The following MYO3B variants were observed in gnomAD, a reference collection of about 807,000 sequenced individuals.
MYO3B encodes myosin IIIB.
In MYO3B, 156 loss-of-function variants were observed where a neutral mutation model predicts 174.6. The observed-to-expected ratio is 0.89, with a 90% confidence interval of 0.78 to 1.02. The LOEUF is 1.02. Among genes scored for constraint, MYO3B ranks in the 50% least tolerant of loss-of-function variants. MYO3B has a pLI of 0.00. For synonymous variants in MYO3B, 563 were observed against 569.1 expected (o/e 0.99, Z 0.15); for missense variants, 1,632 against 1,639.4 (o/e 1.00, Z 0.08).
At chr2:170,237,614 GCTT>G (rs1366123743) in intron 7 of MYO3B, among the ~76,000 whole-genome samples, 1 of 152,098 alleles carries the variant, frequency 6.6e-6, no homozygotes, top group Non-Finnish European at 1.5e-5. Context: ...GCCCAGCCAA[GCTT>G]CTTCTAATAA....
At chr2:170,632,323 C>T (rs895947892) in intron 32 of MYO3B, among the ~76,000 whole-genome samples, 2 of 152,162 alleles carry the variant, frequency 1.3e-5, no homozygotes, top group African/African-American at 4.8e-5. Context: ...GATTAAGAAA[C>T]TCACTCAAAA....
intron 25 of MYO3B, among the ~76,000 whole-genome samples, chr2:170,479,595 G>A (rs888878489): frequency 7.0e-6 from 1 of 143,440 alleles, no homozygotes; most frequent in Non-Finnish European, 1.5e-5. Context: ...ATATAATAAA[G>A]GTGTATTTTA....
At chr2:170,477,598 G>A (rs1685396588) in intron 25 of MYO3B, among the ~76,000 whole-genome samples, 1 of 151,822 alleles carries the variant, frequency 6.6e-6, no homozygotes, top group Admixed American at 6.6e-5. Flanking sequence ...TTAAGCCAGA[G>A]TTTCTCAACC....
chr2:170,462,784 T>C (rs902053333), intron 23 of MYO3B, among the ~76,000 whole-genome samples: 2 of 152,234 alleles, frequency 1.3e-5, no homozygotes, highest in African/African-American at 4.8e-5. Flanking sequence ...TCAGTTCCTT[T>C]CAGTCAGCCC....
intron 2 of MYO3B, 76 bp downstream of exon 2, chr2:170,199,467 T>A (rs1363588467): frequency 1.7e-6 from 2 of 1,163,434 alleles, no homozygotes; most frequent in East Asian, 5.2e-5. Flanking sequence ...TTTCTTGATT[T>A]TAGGTTTAAT....
intron 30 of MYO3B, among the ~76,000 whole-genome samples, chr2:170,539,057 G>A (rs1689909016): frequency 6.6e-6 from 1 of 152,142 alleles, no homozygotes; most frequent in Non-Finnish European, 1.5e-5. Context: ...TTCTAAGAAT[G>A]TCCTTTGCAC....
chr2:170,318,992 G>T (rs2093796000), intron 7 of MYO3B, among the ~76,000 whole-genome samples: 2 of 152,154 alleles, frequency 1.3e-5, no homozygotes, highest in African/African-American at 4.8e-5. Flanking sequence ...CACATATGTG[G>T]GGCTAATCTT....
chr2:170,520,643 G>T (rs1019629500), intron 30 of MYO3B, among the ~76,000 whole-genome samples: 2 of 152,052 alleles, frequency 1.3e-5, no homozygotes, highest in Non-Finnish European at 2.9e-5. Flanking sequence ...TTAGCCACAG[G>T]TTTGAGTTAA....
At chr2:170,303,132 C>T (rs1480212076) in intron 7 of MYO3B, among the ~76,000 whole-genome samples, 1 of 152,152 alleles carries the variant, frequency 6.6e-6, no homozygotes, top group Non-Finnish European at 1.5e-5. Flanking sequence ...TAGTTTACTA[C>T]TGTTGTAAAT....
At chr2:170,305,025 A>G (rs2093691706) in intron 7 of MYO3B, among the ~76,000 whole-genome samples, 1 of 151,778 alleles carries the variant, frequency 6.6e-6, no homozygotes, top group Non-Finnish European at 1.5e-5. Flanking sequence ...TTTTAAAAGT[A>G]TGCCTTATTT....
chr2:170,232,912 G>A (rs1021184030), intron 6 of MYO3B, among the ~76,000 whole-genome samples: 6 of 152,226 alleles, frequency 3.9e-5, no homozygotes, highest in African/African-American at 1.4e-4. Context: ...ATTAGGCCAA[G>A]ATATGATTTT....
intron 32 of MYO3B, among the ~76,000 whole-genome samples, chr2:170,583,910 A>G (rs537205877): frequency 6.6e-6 from 1 of 152,356 alleles, no homozygotes; most frequent in East Asian, 1.9e-4. Context: ...AACTTAAAAA[A>G]AATTAAACCT....
intron 22 of MYO3B, among the ~76,000 whole-genome samples, chr2:170,412,947 A>G (rs1056701011): frequency 6.6e-6 from 1 of 152,188 alleles, no homozygotes; most frequent in African/African-American, 2.4e-5. Flanking sequence ...ATCTCAGTCA[A>G]TAGATAATTA....
chr2:170,605,995 T>C (rs1181341886), intron 32 of MYO3B, among the ~76,000 whole-genome samples: 1 of 152,182 alleles, frequency 6.6e-6, no homozygotes, highest in Non-Finnish European at 1.5e-5. Flanking sequence ...TGAATACATC[T>C]TGATTTTGTC....
intron 8 of MYO3B, among the ~76,000 whole-genome samples, chr2:170,365,147 T>C (rs1474949704): frequency 1.3e-5 from 2 of 152,198 alleles, no homozygotes; most frequent in Admixed American, 1.3e-4. Flanking sequence ...TTTCGTACGT[T>C]GTACCTTTGT....
intron 32 of MYO3B, among the ~76,000 whole-genome samples, chr2:170,625,542 T>C (rs1696335018): frequency 6.6e-6 from 1 of 152,240 alleles, no homozygotes. Context: ...GTTTTTTGTG[T>C]CTCTATCTCC....
chr2:170,192,531 A>G (rs1402376085), intron 1 of MYO3B, among the ~76,000 whole-genome samples: 1 of 149,868 alleles, frequency 6.7e-6, no homozygotes, highest in Non-Finnish European at 1.5e-5. Flanking sequence ...TTAATTATAT[A>G]TTCTACTGTT....
intron 8 of MYO3B, among the ~76,000 whole-genome samples, chr2:170,360,327 C>G (rs1376158901): frequency 1.3e-5 from 2 of 152,080 alleles, no homozygotes; most frequent in East Asian, 3.9e-4. Flanking sequence ...GACTGTTTGT[C>G]AAAATGGAAA....
rs138520051 is a variant in MYO3B at position 170,306,125 on chromosome 2, C to T, written c.750-29260C>T. Among the ~76,000 whole-genome samples, 514 of 152,248 alleles carry T rather than the reference C, an allele frequency of 3.4e-3. 6 individuals are homozygous for T. The highest frequency in any genetic ancestry group is 0.011 in the African/African-American group (456 of 41,548). ...TGGTAGCCTGGGTTAAGCTGGATCC[C>T]GCTTCCTATGCTTGTGGTCTCTTCA... is the stretch of plus-strand genomic sequence containing the variant. On this transcript the variant is annotated intron_variant, in intron 7 of 34. Coordinates refer to ENST00000408978, the MANE Select transcript of MYO3B (RefSeq NM_138995.5).
Sources: gnomAD v4.1 joint callset for allele counts (sites outside exome capture counted in the v4.1 genomes callset) on GRCh38, gnomAD v4.1.1 for gene constraint, MANE v1.5 for transcripts, NCBI Gene and HGNC (gene_info 2026-07-23, HGNC 2026-07-21) for gene names.